IPO7: variants seen among roughly 807,000 people sequenced by gnomAD.
IPO7 encodes importin 7, also known as importin-7.
Under a neutral mutation model 136.4 loss-of-function variants are expected in IPO7, and 13 were observed. The ratio of observed to expected loss-of-function variants is 0.10; its 90% CI spans 0.06 to 0.15. The LOEUF is 0.15. Among genes scored for constraint, IPO7 ranks in the 10% least tolerant of loss-of-function variants. IPO7 has a pLI of 1.00. For synonymous variants in IPO7, 403 were observed against 404.4 expected (o/e 1.00, Z 0.04); for missense variants, 857 against 1,240.6 (o/e 0.69, Z 4.65).
Position 9,413,613 on chromosome 11 carries a change from T to C in IPO7, c.480-642T>C, listed in dbSNP as rs192533372. 3.4e-3 allele frequency among the ~76,000 whole-genome samples: 523 copies of C among 151,648 alleles called. 5 individuals are homozygous for C. The highest frequency in any genetic ancestry group is 0.011 in the African/African-American group (466 of 41,122). On this transcript the variant is annotated intron_variant, in intron 4 of 24. Transcript: ENST00000379719. Reference sequence around the variant, plus strand: ...ATGTAATACTGAGAAAGATAGTTAATTTCTGTGCCTCAGTTTCCTGAACTA... The same window carrying C: ...ATGTAATACTGAGAAAGATAGTTAACTTCTGTGCCTCAGTTTCCTGAACTA...
chr11:9,425,565 AC>A (rs1374010091), intron 12 of IPO7, among the ~76,000 whole-genome samples: 1 of 151,620 alleles, frequency 6.6e-6, no homozygotes, highest in African/African-American at 2.4e-5. Context: ...ACATGGTGAA[AC>A]CCCGTCTCTA....
At chr11:9,407,777 C>A (rs1252035952) in intron 2 of IPO7, among the ~76,000 whole-genome samples, 1 of 152,146 alleles carries the variant, frequency 6.6e-6, no homozygotes, top group East Asian at 1.9e-4. Context: ...GACAGTTTCC[C>A]TTTACAGTAC....
intron 2 of IPO7, among the ~76,000 whole-genome samples, chr11:9,404,456 G>T (rs1317448120): frequency 6.6e-6 from 1 of 151,068 alleles, no homozygotes; most frequent in African/African-American, 2.4e-5. Flanking sequence ...CAGAGTGAGA[G>T]ACCATCTCAA....
At position 9,392,171 on chromosome 11, in the gene IPO7, C is replaced by CTTTT. The variant is rs59866244; in HGVS notation, c.84+7344_84+7347dup. 9.5e-3 allele frequency: 1,756 copies of CTTTT among 184,970 alleles called. 20 individuals carry two copies. Among genetic ancestry groups the CTTTT allele is most frequent in the South Asian group, 0.019 (449 of 24,024 alleles). 11.5% of individuals were successfully genotyped at this position (184,970 alleles called of 1,614,324 possible). ...ATGTCATATTTGCCTTTGTCAAATT[C>CTTTT]TTTTTTTTTTTTTTTTTTTTTTTGA... On this transcript the variant is annotated intron_variant, in intron 1 of 24. Transcript: ENST00000379719.
chr11:9,388,503 G>C (rs1183906767), intron 1 of IPO7, among the ~76,000 whole-genome samples: 1 of 147,052 alleles, frequency 6.8e-6, no homozygotes, highest in East Asian at 2.1e-4. Flanking sequence ...TTTTGAGACA[G>C]GGTCTTGCTC....
At chr11:9,424,812 T>C in intron 10 of IPO7, 102 bp from the exon 11 acceptor site, 1 of 758,858 alleles carries the variant, frequency 1.3e-6, no homozygotes, top group South Asian at 1.6e-5. Context: ...TATAAAGGGA[T>C]CTGGGATCAT....
Position 9,425,808 on chromosome 11 carries a change from C to T in IPO7, c.1335+546C>T, listed in dbSNP as rs191379291. Among the ~76,000 whole-genome samples, 1,014 of 149,256 alleles carry T rather than the reference C, an allele frequency of 6.8e-3. 5 individuals are homozygous for T. The highest frequency in any genetic ancestry group is 0.01 in the South Asian group (47 of 4,692). ...GCAGGAGAATGGCTTGAACCCGGGA[C>T]GTGGAGTTTGCAGTGAGCCGAGATC... On this transcript the variant is annotated intron_variant, in intron 12 of 24. Coordinates refer to ENST00000379719, the MANE Select transcript of IPO7 (RefSeq NM_006391.3).
chr11:9,444,968 A>G (rs1343618151), intron 24 of IPO7, 129 bp from the exon 25 acceptor site: 1 of 643,862 alleles, frequency 1.6e-6, no homozygotes, highest in African/African-American at 1.8e-5. Flanking sequence ...TACATTGGAG[A>G]AATCATGGAT....
intron 6 of IPO7, among the ~76,000 whole-genome samples, chr11:9,419,275 C>T (rs983210734): frequency 3.4e-4 from 51 of 152,138 alleles, no homozygotes; most frequent in Middle Eastern, 6.8e-3. Context: ...ATAGGCTGGG[C>T]GTGGTGGCTT....
intron 14 of IPO7, 110 bp from the exon 15 acceptor site, chr11:9,429,563 AC>A (rs1855263536): frequency 1.4e-6 from 1 of 701,902 alleles, no homozygotes; most frequent in East Asian, 3.1e-5. Context: ...AACTTGGCAT[AC>A]TTCCTTTTTA....
intron 18 of IPO7, among the ~76,000 whole-genome samples, chr11:9,434,081 G>A (rs1404026164): frequency 6.6e-6 from 1 of 151,998 alleles, no homozygotes; most frequent in Non-Finnish European, 1.5e-5. Flanking sequence ...GCGCCACCAT[G>A]CCCGGCTAAT....
Position 9,430,993 on chromosome 11 carries a change from A to G in IPO7, c.1871A>G (p.Asp624Gly), listed in dbSNP as rs755692847. Residue 624 changes from aspartate to glycine, a missense_variant, in exon 16 of 25, where the codon GAT becomes GGT. Physicochemically the swap from Asp to Gly is moderately conservative, Grantham distance 94. Around this residue, in one of 11 missense-constraint regions of IPO7, gnomAD observed 190 missense variants for 249.0 expected, o/e 0.76. Transcript: ENST00000379719. The part of the protein sequence containing the change: ...TIDTLLSVVE[D>G]HKEITQQLEG... ...GATACACTTCTTAGTGTAGTTGAAG[A>G]TCATAAAGAGGTAAGAAGATGATCT... 6.2e-7 allele frequency: 1 copy of G among 1,613,034 alleles called. No individual in the cohort carries two copies. Among genetic ancestry groups the G allele is most frequent in the South Asian group, 1.1e-5 (1 of 91,012 alleles).
intron 16 of IPO7, among the ~76,000 whole-genome samples, chr11:9,432,811 T>G (rs1855314951): frequency 6.6e-6 from 1 of 152,126 alleles, no homozygotes; most frequent in African/African-American, 2.4e-5. Context: ...TCACATTCCA[T>G]GGTTCACTAT....
intron 16 of IPO7, 104 bp downstream of exon 16, chr11:9,431,107 C>A: frequency 1.2e-6 from 1 of 830,096 alleles, no homozygotes. Flanking sequence ...TGCCATTTTC[C>A]CTTTTATAAA....
rs1855402744 is a variant in IPO7 at position 9,437,938 on chromosome 11, T to G, written c.2453T>G (p.Ile818Ser). ...GTTGAACCAGTTACAAATCATTTTA[T>G]TACACAGTGGCTTAATGATGTTGAC... ...NNVEPVTNHF[I>S]TQWLNDVDCF... The change falls in exon 21 of 25, where the codon ATT becomes AGT. Residue 818 changes from isoleucine (I) to serine (S), a missense_variant. Coordinates refer to ENST00000379719, the MANE Select transcript of IPO7 (RefSeq NM_006391.3). The G allele has an allele frequency of 6.2e-7, 1 of 1,613,678 alleles. No individual in the cohort carries two copies. The highest frequency in any genetic ancestry group is 8.5e-7 in the Non-Finnish European group (1 of 1,179,744).
intron 19 of IPO7, 125 bp from the exon 20 acceptor site, chr11:9,436,146 A>G: frequency 1.6e-6 from 1 of 630,264 alleles, no homozygotes; most frequent in Non-Finnish European, 2.8e-6. Flanking sequence ...GCAGTTATTC[A>G]TATTAATTAG....
chr11:9,420,753 A>G (rs939913028), intron 8 of IPO7, 55 bp downstream of exon 8: 1 of 1,171,816 alleles, frequency 8.5e-7, no homozygotes, highest in South Asian at 1.2e-5. Flanking sequence ...AAGTTAATTT[A>G]TATATTGCTT....
At position 9,422,994 on chromosome 11, in the gene IPO7, T is replaced by C. The variant is rs1272503918; in HGVS notation, c.907-12T>C. ...TTGAACATTGATTTGTGATCGAAAATTTTTTTCCAAGGTTTTATTGAAGGT... is the reference window on the plus strand; with the variant it reads ...TTGAACATTGATTTGTGATCGAAAACTTTTTTCCAAGGTTTTATTGAAGGT... On this transcript the variant is annotated splice_polypyrimidine_tract_variant and intron_variant, in intron 8 of 24. Transcript: ENST00000379719. 5 of 1,510,390 alleles carry C rather than the reference T, an allele frequency of 3.3e-6. No individual in the cohort carries two copies. The highest frequency in any genetic ancestry group is 4.5e-6 in the Non-Finnish European group (5 of 1,123,044). 93.6% of individuals were successfully genotyped at this position (1,510,390 alleles called of 1,614,324 possible).
Position 9,397,341 on chromosome 11 carries a change from A to AAAAAAAAAAAAAAAATATATATAT in IPO7, c.85-5948_85-5947insAAAAAAAAAAAAAATATATATATA. On this transcript the variant is annotated intron_variant, in intron 1 of 24. Coordinates refer to ENST00000379719, the MANE Select transcript of IPO7 (RefSeq NM_006391.3). ...CTTTACTAAAAATAATTTAAAAAAA[A>AAAAAAAAAAAAAAAATATATATAT]ATATATATATATATATATATATATT... Among the ~76,000 whole-genome samples the AAAAAAAAAAAAAAAATATATATAT allele has an allele frequency of 3.8e-3, 41 of 10,758 alleles. 1 individual carries two copies. Among genetic ancestry groups the AAAAAAAAAAAAAAAATATATATAT allele is most frequent in the Non-Finnish European group, 5.7e-3 (31 of 5,456 alleles). The allele number at this position is 10,758 out of a possible 152,430, so 7.1% of individuals were successfully genotyped here. A position where few individuals can be genotyped will look rare whatever the true frequency, so the allele number is the denominator to read the frequency against.
Sources: allele counts gnomAD v4.1 joint callset (sites outside exome capture counted in the v4.1 genomes callset), GRCh38; gene constraint gnomAD v4.1.1; regional missense constraint gnomAD v4.1.1; transcripts MANE v1.5; gene names NCBI Gene and HGNC (gene_info 2026-07-23, HGNC 2026-07-21).